The following PMFBP1 variants were observed in gnomAD, a reference collection of about 807,000 sequenced individuals.
PMFBP1 encodes polyamine modulated factor 1 binding protein 1, also known as polyamine-modulated factor 1-binding protein 1.
PMFBP1 carries 131 observed loss-of-function variants against 137.8 expected under a neutral mutation model. The observed-to-expected ratio is 0.95, with a 90% CI of 0.82 to 1.10. The LOEUF (loss-of-function observed/expected upper bound fraction) is 1.10, where lower values mean the gene tolerates loss of function less well. Among genes scored for constraint, PMFBP1 ranks in the 50% least tolerant of loss-of-function variants. PMFBP1 has a pLI of 0.00. For synonymous variants in PMFBP1, 490 were observed against 450.4 expected (o/e 1.09, Z -1.11); for missense variants, 1,199 against 1,175.4 (o/e 1.02, Z -0.29).
At chr16:72,198,499 C>T in the PMFBP1 span, among the ~76,000 whole-genome samples, 1 of 152,186 alleles carries the variant, frequency 6.6e-6, no homozygotes, top group Admixed American at 6.5e-5. Context: ...GGATCCCGCA[C>T]ATCCCCCTGC....
At chr16:72,208,084 A>G in the PMFBP1 span, among the ~76,000 whole-genome samples, 1 of 152,216 alleles carries the variant, frequency 6.6e-6, no homozygotes, top group South Asian at 2.1e-4. Flanking sequence ...ACCCACTCAC[A>G]TTAGGGAGGA....
At chr16:72,161,094 C>CTTT (rs35611285) in intron 3 of PMFBP1, among the ~76,000 whole-genome samples, 10 of 124,926 alleles carry the variant, frequency 8.0e-5, no homozygotes, top group Admixed American at 1.6e-4. Context: ...TTATCTGTTA[C>CTTT]TTTTTTTTTT....
At chr16:72,128,488 C>T in intron 14 of PMFBP1, 169 bp downstream of exon 14, 1 of 1,542,030 alleles carries the variant, frequency 6.5e-7, no homozygotes, top group Admixed American at 2.0e-5. Flanking sequence ...TTCTCTGGCT[C>T]AGCAACCAGG....
chr16:72,124,616 G>A lies in PMFBP1; in HGVS notation c.2589+151C>T, dbSNP rs2042425580. 1.2e-5 allele frequency: 11 copies of A among 917,584 alleles called. No homozygotes were observed. The East Asian group carries it at 2.7e-4, about 23-fold the overall frequency. The allele number at this position is 917,584 out of a possible 1,614,324, so 56.8% of individuals were successfully genotyped here. On this transcript the variant is annotated intron_variant, in intron 17 of 20. Coordinates refer to ENST00000237353, the MANE Select transcript of PMFBP1 (RefSeq NM_031293.3). ...ACACAGGTGGGTTGAACCAGCAGCT[G>A]TGGCTCTTGCTTTGTGCTAAATGGA...
chr16:72,140,225 C>T (rs2042695629), intron 6 of PMFBP1, among the ~76,000 whole-genome samples, 187 bp downstream of exon 6: 3 of 152,130 alleles, frequency 2.0e-5, no homozygotes, highest in Admixed American at 6.6e-5. Context: ...TTTAGAATCT[C>T]ACACTATTTG....
chr16:72,124,107 G>C (rs1373904841), intron 17 of PMFBP1, among the ~76,000 whole-genome samples: 1 of 152,068 alleles, frequency 6.6e-6, no homozygotes, highest in African/African-American at 2.4e-5. Flanking sequence ...CTCCCCCCCG[G>C]CTCAAGCTAT....
the PMFBP1 span, among the ~76,000 whole-genome samples, chr16:72,217,864 T>C: frequency 6.7e-6 from 1 of 150,336 alleles, no homozygotes; most frequent in Non-Finnish European, 1.5e-5. Flanking sequence ...CAAAACGTCC[T>C]AGAAAATCAA....
At chr16:72,209,521 T>C in the PMFBP1 span, among the ~76,000 whole-genome samples, 6 of 152,104 alleles carry the variant, frequency 3.9e-5, no homozygotes, top group African/African-American at 7.2e-5. Flanking sequence ...TGTATATATG[T>C]ATATATAACT....
chr16:72,202,106 G>A, the PMFBP1 span, among the ~76,000 whole-genome samples: 1 of 152,188 alleles, frequency 6.6e-6, no homozygotes, highest in Non-Finnish European at 1.5e-5. Context: ...GTACACAAAA[G>A]GTGCTGAGTA....
chr16:72,215,081 A>T, the PMFBP1 span, among the ~76,000 whole-genome samples: 1 of 152,184 alleles, frequency 6.6e-6, no homozygotes. Flanking sequence ...AATACTATAC[A>T]GTGAGGTAAA....
At position 72,164,790 on chromosome 16, in the gene PMFBP1, T is replaced by C; in HGVS notation, c.139A>G (p.Met47Val). 1 of 1,603,578 alleles carries C rather than the reference T, an allele frequency of 6.2e-7. No homozygotes were observed. The highest frequency in any genetic ancestry group is 8.5e-7 in the Non-Finnish European group (1 of 1,171,530). ...TGGCTGCTGTTCATTGCCTCCTCCA[T>C]GCAGAGCTGATTGTCCTGCAAGGTC... ...RKTLQDNQLC[M>V]EEAMNSSHDK... Residue 47 changes from methionine to valine, a missense_variant, in exon 3 of 21, where the codon ATG (methionine) becomes GTG (valine). By Grantham distance (21) the Met-to-Val change is conservative. Coordinates refer to ENST00000237353, the MANE Select transcript of PMFBP1 (RefSeq NM_031293.3).
intron 10 of PMFBP1, 119 bp downstream of exon 10, chr16:72,132,629 C>T: frequency 6.7e-7 from 1 of 1,490,420 alleles, no homozygotes. Context: ...AGAAGGTCTG[C>T]AGTGAGACAC....
chr16:72,241,773 G>A, the PMFBP1 span, among the ~76,000 whole-genome samples: 1 of 152,260 alleles, frequency 6.6e-6, no homozygotes, highest in South Asian at 2.1e-4. Context: ...TCAAATGTAA[G>A]TTTGTATTAG....
intron 2 of PMFBP1, among the ~76,000 whole-genome samples, chr16:72,167,398 T>A (rs1226673673): frequency 1.3e-5 from 2 of 152,178 alleles, no homozygotes; most frequent in African/African-American, 4.8e-5. Flanking sequence ...CTTGCTCCTA[T>A]CTTTTGTTCC....
the PMFBP1 span, among the ~76,000 whole-genome samples, chr16:72,195,053 C>T: frequency 6.6e-6 from 1 of 152,200 alleles, no homozygotes; most frequent in Non-Finnish European, 1.5e-5. Flanking sequence ...TCTGCAGCAG[C>T]CATGGAGGCT....
Position 72,136,571 on chromosome 16 carries a change from C to T in PMFBP1, c.1080G>A (p.Leu360=), listed in dbSNP as rs1326602458. Residue 360 remains leucine, a synonymous_variant, in exon 9 of 21, where the codon CTG becomes CTA. Transcript: ENST00000237353. The part of the protein sequence containing the change: ...MMKLELDLHG[L]REETSAHIER... ...CAATGTGGGCAGATGTCTCCTCCCG[C>T]AGTCCGTGCAGGTCCAGCTCCAGCT... 3 of 1,613,958 alleles carry T rather than the reference C, an allele frequency of 1.9e-6. No homozygotes were observed. Among genetic ancestry groups the T allele is most frequent in the African/African-American group, 1.3e-5 (1 of 74,872 alleles).
the PMFBP1 span, among the ~76,000 whole-genome samples, chr16:72,193,547 T>C: frequency 1.3e-5 from 2 of 152,000 alleles, no homozygotes; most frequent in Admixed American, 6.6e-5. Flanking sequence ...TTTTTGAAAA[T>C]GAAAAATAGC....
chr16:72,207,710 ATGTGTGTGTGTGTG>A, the PMFBP1 span, among the ~76,000 whole-genome samples: 1 of 143,920 alleles, frequency 6.9e-6, no homozygotes, highest in Non-Finnish European at 1.5e-5. Flanking sequence ...CCAGTAGGGC[ATGTGTGTGTGTGTG>A]TGTGTGTGTG....
chr16:72,152,839 C>T (rs868355863), intron 4 of PMFBP1, among the ~76,000 whole-genome samples: 20 of 111,806 alleles, frequency 1.8e-4, no homozygotes, highest in Admixed American at 6.4e-4. Flanking sequence ...ATTGAGACTT[C>T]GTCTCAAAAA....
Sources: allele counts gnomAD v4.1 joint callset (sites outside exome capture counted in the v4.1 genomes callset), GRCh38; gene constraint gnomAD v4.1.1; transcripts MANE v1.5; gene names NCBI Gene and HGNC (gene_info 2026-07-23, HGNC 2026-07-21).